DLGAP2: variants seen among roughly 807,000 people sequenced by gnomAD.
DLGAP2 encodes DLG associated protein 2, also known as disks large-associated protein 2.
A neutral mutation model predicts 100.3 loss-of-function variants in DLGAP2; 26 were observed. The observed-to-expected ratio is 0.26, with a 90% CI of 0.19 to 0.36. The LOEUF (loss-of-function observed/expected upper bound fraction) is 0.36, where lower values mean the gene tolerates loss of function less well. Ranked by LOEUF, DLGAP2 falls within the 10% of genes least tolerant of loss-of-function variation. DLGAP2 has a pLI of 1.00. For synonymous variants in DLGAP2, 886 were observed against 630.1 expected (o/e 1.41, Z -6.08); for missense variants, 1,858 against 1,453.2 (o/e 1.28, Z -4.53).
intron 2 of DLGAP2, among the ~76,000 whole-genome samples, chr8:1,222,095 A>G (rs1000699351): frequency 6.6e-6 from 1 of 152,130 alleles, no homozygotes; most frequent in African/African-American, 2.4e-5. Flanking sequence ...AGCCATTTCA[A>G]TCTGGTGAAG....
intron 8 of DLGAP2, among the ~76,000 whole-genome samples, chr8:1,654,067 A>G (rs1001707452): frequency 6.6e-6 from 1 of 152,216 alleles, no homozygotes. Context: ...AACTCTCATC[A>G]TCAAATAAAA....
At position 828,293 on chromosome 8, in the gene DLGAP2, G is replaced by C. The variant is rs1370714845; in HGVS notation, c.19-79619G>C. ...GGAGACTGGAGTTTATTTCACCTCT[G>C]CAATCTCGACCATAAGAGACAGGTA... On this transcript the variant is annotated intron_variant, in intron 1 of 14. Coordinates refer to ENST00000637795, the MANE Select transcript of DLGAP2 (RefSeq NM_001346810.2). Among the ~76,000 whole-genome samples the C allele has an allele frequency of 7.2e-5, 11 of 152,248 alleles. No homozygotes were observed. In the East Asian group the frequency reaches 1.9e-3, roughly 27 times the overall value.
chr8:1,207,075 C>G (rs10105644), intron 2 of DLGAP2, among the ~76,000 whole-genome samples: 83,480 of 151,886 alleles, frequency 0.55, 25,186 homozygotes, highest in African/African-American at 0.81. Context: ...ACAGTGTTAC[C>G]TAAATCTGCA....
intron 2 of DLGAP2, among the ~76,000 whole-genome samples, chr8:1,180,577 A>G (rs1016832778): frequency 5.4e-5 from 8 of 148,596 alleles, no homozygotes; most frequent in East Asian, 4.2e-4. Flanking sequence ...ATCGTGTGCA[A>G]TGGCAGCACA....
intron 2 of DLGAP2, among the ~76,000 whole-genome samples, chr8:975,681 C>G (rs1800144173): frequency 6.6e-6 from 1 of 152,108 alleles, no homozygotes; most frequent in Non-Finnish European, 1.5e-5. Flanking sequence ...AACCCAGCAC[C>G]CATTCATAAT....
intron 2 of DLGAP2, among the ~76,000 whole-genome samples, chr8:1,196,168 T>TA (rs1434029353): frequency 1.3e-5 from 2 of 152,230 alleles, no homozygotes; most frequent in African/African-American, 4.8e-5. Context: ...GCTCACCTGT[T>TA]AAAGACCCTA....
chr8:1,609,387 G>A (rs1796923160), intron 6 of DLGAP2, among the ~76,000 whole-genome samples: 1 of 135,752 alleles, frequency 7.4e-6, no homozygotes, highest in Non-Finnish European at 1.6e-5. Flanking sequence ...GCTCCTGAAG[G>A]AAGCGCTAAA....
chr8:1,382,293 C>G (rs766305009), intron 3 of DLGAP2, among the ~76,000 whole-genome samples: 44 of 152,372 alleles, frequency 2.9e-4, no homozygotes, highest in Non-Finnish European at 1.2e-4. Context: ...TCATCCCCGT[C>G]TTCACGTTGA....
At chr8:1,687,972 T>G (rs986128051) in intron 12 of DLGAP2, among the ~76,000 whole-genome samples, 2 of 152,306 alleles carry the variant, frequency 1.3e-5, no homozygotes, top group Non-Finnish European at 2.9e-5. Flanking sequence ...GCAAAGATGA[T>G]TCCTCCCCTC....
rs534927334 is a variant in DLGAP2, at chr8:985,897, G to A, written c.73+77931G>A. ...GACAAACCCCCTGTTTCAGCTCCTCGATGAAACCCTCTTCCTGGGCCTCCC... is the reference window on the plus strand; with the variant it reads ...GACAAACCCCCTGTTTCAGCTCCTCAATGAAACCCTCTTCCTGGGCCTCCC... On this transcript the variant is annotated intron_variant, in intron 2 of 14. Coordinates refer to ENST00000637795, the MANE Select transcript of DLGAP2 (RefSeq NM_001346810.2). 5.3e-5 allele frequency among the ~76,000 whole-genome samples: 8 copies of A among 152,148 alleles called. No homozygotes were observed. In the South Asian group the frequency reaches 6.3e-4, roughly 12 times the overall value.
intron 3 of DLGAP2, among the ~76,000 whole-genome samples, chr8:1,488,002 G>A (rs911279177): frequency 1.0e-4 from 15 of 148,946 alleles, no homozygotes; most frequent in African/African-American, 2.4e-4. Flanking sequence ...TGAAATGATC[G>A]CTTTGAAAGG....
intron 2 of DLGAP2, among the ~76,000 whole-genome samples, chr8:966,556 A>G (rs1336248703): frequency 6.6e-6 from 1 of 152,144 alleles, no homozygotes; most frequent in African/African-American, 2.4e-5. Context: ...CAAACTTTTT[A>G]AAAAATGACA....
chr8:889,081 C>G (rs1797982401), intron 1 of DLGAP2, among the ~76,000 whole-genome samples: 3 of 152,074 alleles, frequency 2.0e-5, no homozygotes, highest in Non-Finnish European at 2.9e-5. Flanking sequence ...CTGGAGGTCA[C>G]AAGGTGCTCA....
chr8:1,588,470 C>T (rs1057166082), intron 6 of DLGAP2, among the ~76,000 whole-genome samples: 3 of 152,176 alleles, frequency 2.0e-5, no homozygotes, highest in East Asian at 3.8e-4. Flanking sequence ...TCTATGAGTT[C>T]ATTGTCTTCT....
In DLGAP2 at chr8:1,434,756, T is replaced by A. The variant is rs192085872; in HGVS notation, c.107-66610T>A. The stretch of plus-strand genomic sequence containing the variant: ...TTCCAAAGTGCTGGGATTACAGGCT[T>A]GAGCCACTGTGCCCGGCCGTCATTG... On this transcript the variant is annotated intron_variant, in intron 3 of 14. Coordinates refer to ENST00000637795, the MANE Select transcript of DLGAP2 (RefSeq NM_001346810.2). Among the ~76,000 whole-genome samples the A allele has an allele frequency of 1.4e-4, 21 of 152,300 alleles. No individual in the cohort carries two copies. The East Asian group carries it at 4.1e-3, about 29-fold the overall frequency.
At chr8:916,047 C>CT (rs1188102200) in intron 2 of DLGAP2, among the ~76,000 whole-genome samples, 2 of 151,756 alleles carry the variant, frequency 1.3e-5, no homozygotes, top group Non-Finnish European at 2.9e-5. Flanking sequence ...TCTGCACTCT[C>CT]TTTTTTCTGT....
chr8:1,275,391 C>T (rs1193395794), intron 3 of DLGAP2, among the ~76,000 whole-genome samples: 1 of 151,498 alleles, frequency 6.6e-6, no homozygotes, highest in Admixed American at 6.6e-5. Flanking sequence ...AGATTTGCAC[C>T]CCAGATGCTG....
intron 2 of DLGAP2, among the ~76,000 whole-genome samples, chr8:925,256 C>G (rs1326033740): frequency 1.3e-5 from 2 of 152,114 alleles, no homozygotes; most frequent in Non-Finnish European, 2.9e-5. Flanking sequence ...CAGGTGCACA[C>G]CACCTTGCTC....
At chr8:1,537,481 G>T (rs887229594) in intron 4 of DLGAP2, among the ~76,000 whole-genome samples, 10 of 150,680 alleles carry the variant, frequency 6.6e-5, no homozygotes, top group African/African-American at 2.5e-4. Flanking sequence ...CCCTGCCCCA[G>T]TCTCTCAGCT....
Sources: gnomAD v4.1 joint callset for allele counts (sites outside exome capture counted in the v4.1 genomes callset) on GRCh38, gnomAD v4.1.1 for gene constraint, MANE v1.5 for transcripts, NCBI Gene and HGNC (gene_info 2026-07-23, HGNC 2026-07-21) for gene names.